RFTN1: variants seen among roughly 807,000 people sequenced by gnomAD.
RFTN1 encodes raftlin.
A neutral mutation model predicts 46.5 loss-of-function variants in RFTN1; 26 were observed. The ratio of observed to expected loss-of-function variants is 0.56; its 90% confidence interval spans 0.41 to 0.78. The LOEUF (loss-of-function observed/expected upper bound fraction) is 0.78. RFTN1 is among the 30% of genes least tolerant of loss of function. The pLI, the probability that RFTN1 is intolerant of heterozygous loss-of-function variation, is 0.00. For missense variants in RFTN1, 693 were observed against 718.7 expected (o/e 0.96, Z 0.41); for synonymous variants, 261 against 284.2 (o/e 0.92, Z 0.82).
At chr3:16,326,573 G>C (rs916741296) in intron 8 of RFTN1, among the ~76,000 whole-genome samples, 200 bp downstream of exon 8, 4 of 152,192 alleles carry the variant, frequency 2.6e-5, no homozygotes, top group Non-Finnish European at 4.4e-5. Flanking sequence ...TGTGGGAAGA[G>C]GGGTGCAGGG....
At chr3:16,391,845 T>C (rs2074347413) in intron 4 of RFTN1, among the ~76,000 whole-genome samples, 1 of 144,298 alleles carries the variant, frequency 6.9e-6, no homozygotes. Context: ...GAGATTATCA[T>C]TCTAGTGCAA....
At chr3:16,371,267 C>A (rs144488109) in intron 5 of RFTN1, among the ~76,000 whole-genome samples, 1 of 152,226 alleles carries the variant, frequency 6.6e-6, no homozygotes, top group Non-Finnish European at 1.5e-5. Flanking sequence ...GGACAAAGCA[C>A]ATTCATGCTC....
chr3:16,346,769 C>G lies in RFTN1; in HGVS notation c.1146+11163G>C, dbSNP rs996677140. 4.6e-5 allele frequency among the ~76,000 whole-genome samples: 7 copies of G among 152,280 alleles called. No homozygotes were observed. The South Asian group carries it at 6.2e-4, about 14-fold the overall frequency. On this transcript the variant is annotated intron_variant, in intron 7 of 9. Transcript: ENST00000334133. The surrounding 1 kb of genome is among the most constrained non-coding windows in gnomAD (Gnocchi z 4.4). ...CTGCCCCGTTCTTCACGGTTGTCAT[C>G]ACATTTGCATGAGACACCTAGAATT... is the stretch of plus-strand genomic sequence containing the variant.
Position 16,498,802 on chromosome 3 carries a change from C to T in RFTN1, c.-8-4925G>A, listed in dbSNP as rs911189757. 9.2e-5 allele frequency among the ~76,000 whole-genome samples: 14 copies of T among 152,152 alleles called. No individual in the cohort carries two copies. Among genetic ancestry groups the T allele is most frequent in the Admixed American group, 2.0e-4 (3 of 15,272 alleles). ...CCCACCCCTGTCAAAATAGGAAAGA[C>T]TTTTACATCATTTCAAAAATGTCTA... On this transcript the variant is annotated intron_variant, in intron 1 of 9. Coordinates refer to ENST00000334133, the MANE Select transcript of RFTN1 (RefSeq NM_015150.2). The surrounding 1 kb of genome is among the most constrained non-coding windows in gnomAD (Gnocchi z 5.2).
At position 16,358,759 on chromosome 3, in the gene RFTN1, G is replaced by A. The variant is rs937429371; in HGVS notation, c.1031-712C>T. ...AAAAGAAATATAGAACAGGCCAGGCGCAGTGGCTCACACCTGTAATCCCAG... is the reference window on the plus strand; with the variant it reads ...AAAAGAAATATAGAACAGGCCAGGCACAGTGGCTCACACCTGTAATCCCAG... On this transcript the variant is annotated intron_variant, in intron 6 of 9. Transcript: ENST00000334133. Among the ~76,000 whole-genome samples the A allele has an allele frequency of 1.1e-4, 16 of 152,146 alleles. No individual in the cohort carries two copies. The East Asian group carries it at 1.5e-3, about 15-fold the overall frequency.
chr3:16,328,492 C>G (rs779197251), intron 7 of RFTN1, among the ~76,000 whole-genome samples: 1 of 152,244 alleles, frequency 6.6e-6, no homozygotes, highest in Non-Finnish European at 1.5e-5. Flanking sequence ...GCTTCTATAA[C>G]TGGACACCAG....
intron 2 of RFTN1, among the ~76,000 whole-genome samples, chr3:16,436,622 T>C (rs1468201438): frequency 1.3e-5 from 2 of 152,228 alleles, no homozygotes; most frequent in Non-Finnish European, 2.9e-5. Flanking sequence ...TTTTATCGAT[T>C]TGGAATTTAT....
At chr3:16,405,194 C>T (rs1018040525) in intron 4 of RFTN1, among the ~76,000 whole-genome samples, 2 of 152,174 alleles carry the variant, frequency 1.3e-5, no homozygotes, top group African/African-American at 4.8e-5. Flanking sequence ...GCCACACAGT[C>T]TCCAGGTGCA....
rs756618740 is a variant in RFTN1 at position 16,442,505 on chromosome 3, T to C, written c.146-8468A>G. 3.3e-5 allele frequency among the ~76,000 whole-genome samples: 5 copies of C among 152,216 alleles called. No homozygotes were observed. Among genetic ancestry groups the C allele is most frequent in the Admixed American group, 6.5e-5 (1 of 15,280 alleles). Reference sequence around the variant, plus strand: ...GTACAACATGATGCCTCAATGTATATATACTTAGTTCAAATGATTACTACA... The same window carrying C: ...GTACAACATGATGCCTCAATGTATACATACTTAGTTCAAATGATTACTACA... On this transcript the variant is annotated intron_variant, in intron 2 of 9. Coordinates refer to ENST00000334133, the MANE Select transcript of RFTN1 (RefSeq NM_015150.2). This position sits in a 1 kb window ranked among gnomAD's most constrained non-coding sequence, Gnocchi z 4.1.
Position 16,474,376 on chromosome 3 carries a change from T to C in RFTN1, c.145+19349A>G, listed in dbSNP as rs902122530. Among the ~76,000 whole-genome samples the C allele has an allele frequency of 6.6e-6, 1 of 152,218 alleles. No individual in the cohort carries two copies. The highest frequency in any genetic ancestry group is 1.5e-5 in the Non-Finnish European group (1 of 68,036). On this transcript the variant is annotated intron_variant, in intron 2 of 9. Coordinates refer to ENST00000334133, the MANE Select transcript of RFTN1 (RefSeq NM_015150.2). The surrounding 1 kb of genome is among the most constrained non-coding windows in gnomAD (Gnocchi z 5.5). ...ATGCTTTTAATCACTCTGCCAGCAC[T>C]ATTCCCTGACATGCAGGGTGATGGA... is the stretch of plus-strand genomic sequence containing the variant.
rs998441106 is a variant in RFTN1 at position 16,321,554 on chromosome 3, G to C, written c.1332+1822C>G. On this transcript the variant is annotated intron_variant, in intron 9 of 9. Coordinates refer to ENST00000334133, the MANE Select transcript of RFTN1 (RefSeq NM_015150.2). The surrounding 1 kb of genome is among the most constrained non-coding windows in gnomAD (Gnocchi z 4.8). ...GAGGAGTGAGGAGGGGACACCCAGT[G>C]CAGAAGATTCTTCCAAGGAGTCTGG... Among the ~76,000 whole-genome samples the C allele has an allele frequency of 2.4e-4, 36 of 152,294 alleles. No homozygotes were observed. The highest frequency in any genetic ancestry group is 8.4e-4 in the African/African-American group (35 of 41,546).
Position 16,492,465 on chromosome 3 carries a change from T to C in RFTN1, c.145+1260A>G, listed in dbSNP as rs573888365. 3.9e-5 allele frequency among the ~76,000 whole-genome samples: 6 copies of C among 152,284 alleles called. No homozygotes were observed. The South Asian group carries it at 1.2e-3, about 32-fold the overall frequency. ...TTCCTTTTATAGATGAGGACACTGC[T>C]ATAGATGAGGACACTGCAGGACTGG... is the stretch of plus-strand genomic sequence containing the variant. On this transcript the variant is annotated intron_variant, in intron 2 of 9. Transcript: ENST00000334133.
intron 7 of RFTN1, among the ~76,000 whole-genome samples, chr3:16,347,436 T>A (rs1287001029): frequency 6.6e-6 from 1 of 152,254 alleles, no homozygotes; most frequent in African/African-American, 2.4e-5. Context: ...ATGCTCCTTT[T>A]GGAGGCTAGG....
intron 7 of RFTN1, among the ~76,000 whole-genome samples, chr3:16,332,163 GA>G (rs1298441808): frequency 4.0e-5 from 6 of 151,746 alleles, no homozygotes; most frequent in Non-Finnish European, 8.8e-5. Context: ...CTTCAGTTCT[GA>G]AAAATGTATT....
rs904894648 is a variant in RFTN1, at chr3:16,346,357, G to A, written c.1146+11575C>T. 3 of 152,158 alleles carry A rather than the reference G, an allele frequency of 2.0e-5. No individual in the cohort carries two copies. The highest frequency in any genetic ancestry group is 4.4e-5 in the Non-Finnish European group (3 of 68,032). The allele number at this position is 152,158 out of a possible 1,614,324, so 9.4% of individuals were successfully genotyped here. On this transcript the variant is annotated intron_variant, in intron 7 of 9. Coordinates refer to ENST00000334133, the MANE Select transcript of RFTN1 (RefSeq NM_015150.2). The surrounding 1 kb of genome is among the most constrained non-coding windows in gnomAD (Gnocchi z 4.4). ...TGTATCACTAAATTTTGTATATGAA[G>A]TGAAATATGGCTGTCTGAGAAAATA... is the stretch of plus-strand genomic sequence containing the variant.
chr3:16,323,296 C>T (rs963016062), intron 9 of RFTN1, 80 bp downstream of exon 9: 5 of 1,041,912 alleles, frequency 4.8e-6, no homozygotes, highest in Admixed American at 2.0e-5. Flanking sequence ...GAGCAGGCTG[C>T]CCCCTCAAAT....
rs979907268 is a variant in RFTN1 at position 16,352,649 on chromosome 3, G to C, written c.1146+5283C>G. Among the ~76,000 whole-genome samples the C allele has an allele frequency of 2.0e-5, 3 of 152,184 alleles. No individual in the cohort carries two copies. Among genetic ancestry groups the C allele is most frequent in the East Asian group, 3.8e-4 (2 of 5,202 alleles). ...AACGAAGGCAATGGGGGGAGGATCT[G>C]TCTCACTGATGATACCAGGTGACTG... On this transcript the variant is annotated intron_variant, in intron 7 of 9. Coordinates refer to ENST00000334133, the MANE Select transcript of RFTN1 (RefSeq NM_015150.2). The surrounding 1 kb of genome is among the most constrained non-coding windows in gnomAD (Gnocchi z 4.6).
rs1383424317 is a variant in RFTN1, at chr3:16,338,760, T to C, written c.1147-11884A>G. ...AGCCCTTCTTTCTGATTTTTCACCTTATGTATTACCTAGAAAAGAGAAAAG... is the reference window on the plus strand; with the variant it reads ...AGCCCTTCTTTCTGATTTTTCACCTCATGTATTACCTAGAAAAGAGAAAAG... On this transcript the variant is annotated intron_variant, in intron 7 of 9. Coordinates refer to ENST00000334133, the MANE Select transcript of RFTN1 (RefSeq NM_015150.2). This position sits in a 1 kb window ranked among gnomAD's most constrained non-coding sequence, Gnocchi z 5.3. 6.6e-6 allele frequency among the ~76,000 whole-genome samples: 1 copy of C among 152,182 alleles called. No individual in the cohort carries two copies. The highest frequency in any genetic ancestry group is 1.5e-5 in the Non-Finnish European group (1 of 68,034).
rs144033936 is a variant in RFTN1 at position 16,317,146 on chromosome 3, T to A, written c.1419A>T (p.Gln473His). 1.2e-6 allele frequency: 2 copies of A among 1,613,620 alleles called. No homozygotes were observed. Among genetic ancestry groups the A allele is most frequent in the African/African-American group, 1.3e-5 (1 of 74,836 alleles). Residue 473 changes from glutamine (Q) to histidine (H), a missense_variant, in exon 10 of 10, where the codon CAA becomes CAT. Physicochemically the swap from Gln to His is conservative, Grantham distance 24. Coordinates refer to ENST00000334133, the MANE Select transcript of RFTN1 (RefSeq NM_015150.2). The surrounding 1 kb of genome is among the most constrained non-coding windows in gnomAD (Gnocchi z 4.3). ...CTAAGTTCTTCTCATTTTCTTCTGC[T>A]TGTTGTTTGTCTCTGGCACTGAGTT... ...KGKLSARDKQ[Q>H]AEENEKNLED... is the part of the protein sequence containing the mutation.
Sources: allele counts gnomAD v4.1 joint callset (sites outside exome capture counted in the v4.1 genomes callset), GRCh38; gene constraint gnomAD v4.1.1; non-coding constraint Gnocchi (gnomAD v3.1); transcripts MANE v1.5; gene names NCBI Gene and HGNC (gene_info 2026-07-23, HGNC 2026-07-21).